CDH4: variants seen among roughly 807,000 people sequenced by gnomAD.
The protein encoded by CDH4 is cadherin 4.
A neutral mutation model predicts 86.0 loss-of-function variants in CDH4; 33 were observed. The ratio of observed to expected loss-of-function variants is 0.38; its 90% confidence interval spans 0.29 to 0.51. The LOEUF is 0.51. Ranked by LOEUF, CDH4 falls within the 20% of genes least tolerant of loss-of-function variation. CDH4 has a pLI of 0.86. For synonymous variants in CDH4, 555 were observed against 549.4 expected (o/e 1.01, Z -0.14); for missense variants, 1,114 against 1,307.4 (o/e 0.85, Z 2.28).
intron 2 of CDH4, among the ~76,000 whole-genome samples, chr20:61,664,586 C>G (rs981232253): frequency 2.1e-4 from 32 of 152,246 alleles, no homozygotes; most frequent in African/African-American, 7.5e-4. Context: ...ATCAAGAGAC[C>G]CAGGAGCAGG....
At chr20:61,698,632 G>A (rs2087740664) in intron 2 of CDH4, among the ~76,000 whole-genome samples, 1 of 152,250 alleles carries the variant, frequency 6.6e-6, no homozygotes, top group Non-Finnish European at 1.5e-5. Context: ...GAATACGCTA[G>A]AGCCTGTCTC....
At chr20:61,448,404 G>A (rs994197874) in intron 2 of CDH4, among the ~76,000 whole-genome samples, 3 of 152,180 alleles carry the variant, frequency 2.0e-5, no homozygotes, top group Non-Finnish European at 2.9e-5. Flanking sequence ...AATTTGGGTC[G>A]TTTGATGTTG....
chr20:61,592,787 C>A (rs925046152), intron 2 of CDH4, among the ~76,000 whole-genome samples: 1 of 152,176 alleles, frequency 6.6e-6, no homozygotes. Flanking sequence ...CAGTGTCATT[C>A]GTACTCACTT....
intron 2 of CDH4, among the ~76,000 whole-genome samples, chr20:61,497,578 G>A (rs545291349): frequency 6.6e-6 from 1 of 152,336 alleles, no homozygotes; most frequent in South Asian, 2.1e-4. Flanking sequence ...AGAGGATGTG[G>A]AGAAATAGGA....
Position 61,798,804 on chromosome 20 carries a change from G to A in CDH4, c.576+25622G>A, listed in dbSNP as rs138503174. Reference sequence around the variant, plus strand: ...CCAGTGGTCAGTCTGGCAGGATGGCGGCTGTGTGTCCCGAGTCCAGCCAGG... The same window carrying A: ...CCAGTGGTCAGTCTGGCAGGATGGCAGCTGTGTGTCCCGAGTCCAGCCAGG... On this transcript the variant is annotated intron_variant, in intron 4 of 15. Transcript: ENST00000614565. Among the ~76,000 whole-genome samples, 539 of 152,350 alleles carry A rather than the reference G, an allele frequency of 3.5e-3. 6 individuals are homozygous for A. The highest frequency in any genetic ancestry group is 0.012 in the African/African-American group (491 of 41,568).
At chr20:61,787,387 A>G (rs919221198) in intron 4 of CDH4, among the ~76,000 whole-genome samples, 2 of 152,212 alleles carry the variant, frequency 1.3e-5, no homozygotes, top group Admixed American at 6.5e-5. Flanking sequence ...GGAGAAGTGC[A>G]GATCGAAGCA....
chr20:61,308,475 C>G (rs568176605), intron 2 of CDH4, among the ~76,000 whole-genome samples: 1 of 152,242 alleles, frequency 6.6e-6, no homozygotes, highest in Non-Finnish European at 1.5e-5. Flanking sequence ...AAAGCTGTGC[C>G]GACAATTAAT....
intron 2 of CDH4, among the ~76,000 whole-genome samples, chr20:61,394,293 C>T (rs1389043155): frequency 1.3e-5 from 2 of 152,132 alleles, no homozygotes; most frequent in East Asian, 3.9e-4. Context: ...TCCTGCCATC[C>T]AGGACTCTCC....
At chr20:61,463,255 G>A (rs2085454631) in intron 2 of CDH4, among the ~76,000 whole-genome samples, 1 of 152,168 alleles carries the variant, frequency 6.6e-6, no homozygotes, top group South Asian at 2.1e-4. Context: ...GTCTTTATTA[G>A]CAGCATTAGA....
At chr20:61,921,596 A>G (rs1398631987) in intron 9 of CDH4, among the ~76,000 whole-genome samples, 1 of 152,186 alleles carries the variant, frequency 6.6e-6, no homozygotes, top group Admixed American at 6.5e-5. Context: ...TACTAAAAAT[A>G]TAAAAATTAG....
intron 2 of CDH4, chr20:61,570,011 G>C (rs1250358125): frequency 6.6e-6 from 1 of 152,224 alleles, no homozygotes; most frequent in South Asian, 2.1e-4. Flanking sequence ...TCTCGGCACC[G>C]ATTTTACATG....
chr20:61,309,576 G>C (rs1024468366), intron 2 of CDH4, among the ~76,000 whole-genome samples: 4 of 152,174 alleles, frequency 2.6e-5, no homozygotes, highest in African/African-American at 9.7e-5. Flanking sequence ...AAAAAAAGGA[G>C]GGAAAAACTT....
chr20:61,857,553 C>A (rs531415484), intron 6 of CDH4, among the ~76,000 whole-genome samples: 1 of 152,362 alleles, frequency 6.6e-6, no homozygotes, highest in East Asian at 1.9e-4. Flanking sequence ...GACTAGGGGC[C>A]CCCCATGTGG....
chr20:61,799,061 A>G (rs900464092), intron 4 of CDH4, among the ~76,000 whole-genome samples: 1 of 152,258 alleles, frequency 6.6e-6, no homozygotes, highest in African/African-American at 2.4e-5. Context: ...GATACCAGCT[A>G]CTTGTCAGAG....
intron 2 of CDH4, among the ~76,000 whole-genome samples, chr20:61,622,882 G>A (rs1264175079): frequency 6.6e-6 from 1 of 152,110 alleles, no homozygotes; most frequent in Non-Finnish European, 1.5e-5. Flanking sequence ...AGTTAGAGGG[G>A]ACCTGAATCA....
rs1429549548 is a variant in CDH4, at chr20:61,549,832, G to A, written c.170-193731G>A. 7.9e-5 allele frequency among the ~76,000 whole-genome samples: 12 copies of A among 152,356 alleles called. No individual in the cohort carries two copies. In the South Asian group the frequency reaches 1.9e-3, roughly 24 times the overall value. On this transcript the variant is annotated intron_variant, in intron 2 of 15. Coordinates refer to ENST00000614565, the MANE Select transcript of CDH4 (RefSeq NM_001794.5). ...CCCCAAATCACAAAGAGGATGCCAG[G>A]ACTGAGGAATAGCCCAGGGCTGGGG...
rs148762158 is a variant in CDH4 at position 61,636,074 on chromosome 20, C to T, written c.170-107489C>T. Among the ~76,000 whole-genome samples the T allele has an allele frequency of 3.6e-3, 544 of 152,338 alleles. 3 individuals carry two copies. The highest frequency in any genetic ancestry group is 0.012 in the African/African-American group (510 of 41,580). Reference sequence around the variant, plus strand: ...GCTGATGAATGCGGGGGGCTCCACACGCGTGGGGGTCCACCGTGGGTCATT... The same window carrying T: ...GCTGATGAATGCGGGGGGCTCCACATGCGTGGGGGTCCACCGTGGGTCATT... On this transcript the variant is annotated intron_variant, in intron 2 of 15. Transcript: ENST00000614565.
chr20:61,924,286 C>A, intron 10 of CDH4, 48 bp from the exon 11 acceptor site: 2 of 1,562,148 alleles, frequency 1.3e-6, no homozygotes, highest in Non-Finnish European at 1.7e-6. Context: ...CCAGGGCAGC[C>A]CCGCCCACCC....
At chr20:61,460,404 C>G (rs1396423681) in intron 2 of CDH4, among the ~76,000 whole-genome samples, 1 of 152,178 alleles carries the variant, frequency 6.6e-6, no homozygotes, top group Non-Finnish European at 1.5e-5. Context: ...CCCCAGAAAC[C>G]TTGATGCCTG....
Sources: gnomAD v4.1 joint callset for allele counts (sites outside exome capture counted in the v4.1 genomes callset) on GRCh38, gnomAD v4.1.1 for gene constraint, MANE v1.5 for transcripts, NCBI Gene and HGNC (gene_info 2026-07-23, HGNC 2026-07-21) for gene names.